ABCC1: variants seen among roughly 807,000 people sequenced by gnomAD.
ABCC1 encodes ATP binding cassette subfamily C member 1 (ABCC1 blood group).
ABCC1 carries 83 observed loss-of-function variants against 172.9 expected under a neutral mutation model. That is an observed-to-expected ratio of 0.48 (90% CI 0.40 to 0.58). The LOEUF is 0.58. Among genes scored for constraint, ABCC1 ranks in the 20% least tolerant of loss-of-function variants. ABCC1 has a pLI of 0.00. For synonymous variants in ABCC1, 937 were observed against 825.2 expected, an observed-to-expected ratio of 1.14 and a Z score of -2.32; for missense variants, 1,817 against 2,002.7, an observed-to-expected ratio of 0.91 and a Z score of 1.77.
At chr16:16,100,225 G>A (rs760873047) in intron 19 of ABCC1, among the ~76,000 whole-genome samples, 95 of 152,332 alleles carry the variant, frequency 6.2e-4, no homozygotes, top group Admixed American at 2.2e-3. Context: ...TTGGTGGGTT[G>A]AGAGGGTAAG....
intron 19 of ABCC1, among the ~76,000 whole-genome samples, chr16:16,091,061 C>T (rs755757361): frequency 6.6e-6 from 1 of 152,084 alleles, no homozygotes; most frequent in Admixed American, 6.6e-5. Flanking sequence ...CCCGGCCGCT[C>T]ATCTCCCCAG....
chr16:16,140,427 C>T (rs558956150), intron 30 of ABCC1, among the ~76,000 whole-genome samples: 73 of 152,256 alleles, frequency 4.8e-4, no homozygotes, highest in African/African-American at 8.2e-4. Context: ...CAGCTCACTG[C>T]GGCCTCAAGT....
At chr16:16,132,584 C>T (rs1382711214) in intron 27 of ABCC1, among the ~76,000 whole-genome samples, 2 of 140,570 alleles carry the variant, frequency 1.4e-5, no homozygotes, top group East Asian at 2.1e-4. Context: ...TGCAGGGGCC[C>T]GATCTCAGCT....
chr16:16,070,940 CT>C (rs2050322680), intron 13 of ABCC1, among the ~76,000 whole-genome samples: 1 of 152,188 alleles, frequency 6.6e-6, no homozygotes, highest in South Asian at 2.1e-4. Context: ...TACAATAATA[CT>C]CAGCCCATAT....
At chr16:16,118,903 A>G (rs962368934) in intron 23 of ABCC1, among the ~76,000 whole-genome samples, 6 of 148,364 alleles carry the variant, frequency 4.0e-5, no homozygotes, top group Non-Finnish European at 7.4e-5. Flanking sequence ...AAAAAAAAAA[A>G]AAGAGCAAAG....
intron 1 of ABCC1, among the ~76,000 whole-genome samples, chr16:15,996,229 C>T (rs1358564900): frequency 1.3e-5 from 2 of 152,188 alleles, no homozygotes; most frequent in South Asian, 2.1e-4. Context: ...ATGATCCGCC[C>T]GCCTCAGCCT....
At chr16:16,128,451 A>G (rs969288310) in intron 26 of ABCC1, among the ~76,000 whole-genome samples, 1 of 152,132 alleles carries the variant, frequency 6.6e-6, no homozygotes, top group African/African-American at 2.4e-5. Context: ...ACCCGGCCTG[A>G]GTTCAGTTTT....
At chr16:15,967,563 A>G (rs1343351533) in intron 1 of ABCC1, among the ~76,000 whole-genome samples, 3 of 150,924 alleles carry the variant, frequency 2.0e-5, no homozygotes, top group African/African-American at 7.3e-5. Context: ...GGCAACAGAA[A>G]GACCCCATCT....
intron 7 of ABCC1, among the ~76,000 whole-genome samples, chr16:16,043,173 T>A (rs946098228): frequency 3.3e-5 from 5 of 149,928 alleles, no homozygotes; most frequent in African/African-American, 9.8e-5. Flanking sequence ...AAAAAAAAAA[T>A]TTTTTTTTAG....
At chr16:16,089,681 G>A (rs987803445) in intron 18 of ABCC1, among the ~76,000 whole-genome samples, 5 of 152,044 alleles carry the variant, frequency 3.3e-5, no homozygotes, top group African/African-American at 1.2e-4. Flanking sequence ...ACCAGCCTGG[G>A]CAACATGGTG....
At chr16:16,076,494 G>C in intron 15 of ABCC1, 93 bp downstream of exon 15, 1 of 1,259,152 alleles carries the variant, frequency 7.9e-7, no homozygotes, top group Non-Finnish European at 1.1e-6. Context: ...CTCCCTCTCT[G>C]TGACCTTGAA....
intron 30 of ABCC1, 89 bp from the exon 31 acceptor site, chr16:16,141,084 A>G: frequency 2.6e-6 from 3 of 1,137,272 alleles, no homozygotes; most frequent in Non-Finnish European, 3.9e-6. Flanking sequence ...GCCTGACCCG[A>G]AGCAGTGACT....
intron 1 of ABCC1, among the ~76,000 whole-genome samples, chr16:15,971,759 A>G (rs1176832279): frequency 6.6e-6 from 1 of 152,190 alleles, no homozygotes; most frequent in Non-Finnish European, 1.5e-5. Context: ...GTCTGATGAA[A>G]TAATTTCCTT....
chr16:16,137,544 CCTTT>C, intron 29 of ABCC1, among the ~76,000 whole-genome samples: 1 of 116,440 alleles, frequency 8.6e-6, no homozygotes, highest in Middle Eastern at 4.7e-3. Flanking sequence ...GGGTATGAGG[CCTTT>C]TTTTTTTTTT....
intron 5 of ABCC1, among the ~76,000 whole-genome samples, chr16:16,018,715 C>T (rs986029366): frequency 2.0e-5 from 3 of 151,460 alleles, no homozygotes; most frequent in African/African-American, 4.9e-5. Flanking sequence ...GCTTGTGTGT[C>T]TCGGTAGTCA....
At chr16:16,108,363 C>T (rs568748173) in intron 21 of ABCC1, among the ~76,000 whole-genome samples, 6 of 149,310 alleles carry the variant, frequency 4.0e-5, no homozygotes, top group South Asian at 4.2e-4. Flanking sequence ...CTCCGCCTCC[C>T]GGGTTCAAGC....
At chr16:16,049,177 G>A (rs995448900) in intron 10 of ABCC1, among the ~76,000 whole-genome samples, 1 of 152,128 alleles carries the variant, frequency 6.6e-6, no homozygotes, top group African/African-American at 2.4e-5. Context: ...ACATGGCTCC[G>A]TAGCTTTGGG....
chr16:16,110,820 G>A (rs1464419710), intron 21 of ABCC1, among the ~76,000 whole-genome samples: 1 of 152,170 alleles, frequency 6.6e-6, no homozygotes, highest in East Asian at 1.9e-4. Flanking sequence ...TCTCTGTGAT[G>A]ACGCATTTAT....
At chr16:15,981,704 C>T (rs534842726) in intron 1 of ABCC1, among the ~76,000 whole-genome samples, 120 of 152,264 alleles carry the variant, frequency 7.9e-4, no homozygotes, top group African/African-American at 2.9e-3. Flanking sequence ...CTCTGACATG[C>T]CCTGGAGACA....
Sources: allele counts gnomAD v4.1 joint callset (sites outside exome capture counted in the v4.1 genomes callset), GRCh38; gene constraint gnomAD v4.1.1; transcripts MANE v1.5; gene names NCBI Gene and HGNC (gene_info 2026-07-23, HGNC 2026-07-21).